BPIFB2: variants seen among roughly 807,000 people sequenced by gnomAD.
BPIFB2 encodes BPI fold containing family B member 2.
Under a neutral mutation model 50.1 loss-of-function variants are expected in BPIFB2, and 39 were observed. The observed-to-expected ratio is 0.78, with a 90% confidence interval of 0.60 to 1.02. The LOEUF (loss-of-function observed/expected upper bound fraction) is 1.02, where lower values mean the gene tolerates loss of function less well. BPIFB2 is among the 50% of genes least tolerant of loss of function. The pLI, the probability that BPIFB2 is intolerant of heterozygous loss-of-function variation, is 0.00. For synonymous variants in BPIFB2, 280 were observed against 256.3 expected, an observed-to-expected ratio of 1.09 and a Z score of -0.88; for missense variants, 574 against 585.8, an observed-to-expected ratio of 0.98 and a Z score of 0.21.
chr20:33,018,781 C>T lies in BPIFB2; in HGVS notation c.814C>T (p.Gln272Ter), dbSNP rs1326400653. 4 of 1,613,756 alleles carry T rather than the reference C, an allele frequency of 2.5e-6. No individual in the cohort carries two copies. Among genetic ancestry groups the T allele is most frequent in the Admixed American group, 3.3e-5 (2 of 59,974 alleles). ...GTTTGACTCTGCGCTCCTGCTGCTG[C>T]AGAAGGCCGGTGCCCTCAACCTGGA... ...QLFDSALLLL[Q>*]KAGALNLDIT... Residue 272 changes from glutamine to a stop codon, truncating the protein, a stop_gained, in exon 9 of 16, where the codon CAG (glutamine) becomes TAG (stop). Transcript: ENST00000170150. LOFTEE classifies it high-confidence loss of function.
At position 33,017,064 on chromosome 20, in the gene BPIFB2, T is replaced by A. The variant is rs1270790975; in HGVS notation, c.539T>A (p.Leu180Gln). The A allele has an allele frequency of 6.2e-7, 1 of 1,614,098 alleles. No homozygotes were observed. The highest frequency in any genetic ancestry group is 1.1e-5 in the South Asian group (1 of 91,080). ...CAGCTGTGCCTGAGCATCTCCAACC[T>A]GGTGCAGGGTGTCAATGTCCACCTG... is the stretch of plus-strand genomic sequence containing the variant. Reference protein sequence around the residue: ...SNKLCLSISNLVQGVNVHLGT... With the variant: ...SNKLCLSISNQVQGVNVHLGT... The change falls in exon 7 of 16, where the codon CTG becomes CAG. Residue 180 changes from leucine to glutamine, a missense_variant. Leu to Gln is a moderately radical substitution (Grantham distance 113). Transcript: ENST00000170150.
At chr20:33,008,221 G>A (rs935614698) in intron 1 of BPIFB2, among the ~76,000 whole-genome samples, 5 of 152,156 alleles carry the variant, frequency 3.3e-5, no homozygotes, top group African/African-American at 9.7e-5. Flanking sequence ...CAGTCTCCCC[G>A]TTTGGGAGTC....
At chr20:33,013,056 G>T (rs1189895623) in intron 4 of BPIFB2, 149 bp downstream of exon 4, 4 of 629,824 alleles carry the variant, frequency 6.4e-6, no homozygotes, top group Non-Finnish European at 1.1e-5. Context: ...CTCACGCTTG[G>T]AGGGGAGCAA....
At chr20:33,017,508 CT>C (rs1211803609) in intron 7 of BPIFB2, among the ~76,000 whole-genome samples, 1 of 152,246 alleles carries the variant, frequency 6.6e-6, no homozygotes, top group African/African-American at 2.4e-5. Context: ...GCCACCACCC[CT>C]GGCCTCGCCC....
chr20:33,020,654 G>T, intron 13 of BPIFB2, 67 bp downstream of exon 13: 1 of 1,497,014 alleles, frequency 6.7e-7, no homozygotes, highest in Non-Finnish European at 9.0e-7. Context: ...GCCTGGGGAA[G>T]AGATGGCTGT....
chr20:33,017,014 C>T (rs1476534656), intron 6 of BPIFB2, 28 bp from the exon 7 acceptor site: 8 of 1,611,956 alleles, frequency 5.0e-6, no homozygotes, highest in South Asian at 1.1e-5. Context: ...GCCCTAACCC[C>T]AGCCTCCTTC....
At position 33,013,970 on chromosome 20, in the gene BPIFB2, G is replaced by A. The variant is rs1990323261; in HGVS notation, c.455+14G>A. 1 of 1,611,264 alleles carries A rather than the reference G, an allele frequency of 6.2e-7. No homozygotes were observed. The highest frequency in any genetic ancestry group is 8.5e-7 in the Non-Finnish European group (1 of 1,177,996). On this transcript the variant is annotated intron_variant, in intron 5 of 15. Transcript: ENST00000170150. The stretch of plus-strand genomic sequence containing the variant: ...TGGCAGTAACAGGTGGGTGCCTGGT[G>A]AGGGCAGGGTCACAGGAATCCCAGA...
chr20:33,016,834 A>G (rs1166342340), intron 6 of BPIFB2, among the ~76,000 whole-genome samples: 1 of 152,188 alleles, frequency 6.6e-6, no homozygotes, highest in Non-Finnish European at 1.5e-5. Context: ...TCACACTGCC[A>G]TCAGCCTTTG....
At position 33,018,369 on chromosome 20, in the gene BPIFB2, G is replaced by A. The variant is rs377172838; in HGVS notation, c.669+19G>A. On this transcript the variant is annotated intron_variant, in intron 8 of 15. Transcript: ENST00000170150. ...AGTCAATGTAAGTGCCTCCTGGCCA[G>A]CCCAGAGCTGGGGGCTTGCTGCCTC... is the stretch of plus-strand genomic sequence containing the variant. 17 of 1,591,746 alleles carry A rather than the reference G, an allele frequency of 1.1e-5. No homozygotes were observed. In the African/African-American group the frequency reaches 1.1e-4, roughly 10 times the overall value.
chr20:33,022,040 C>A (rs540221092), intron 15 of BPIFB2, among the ~76,000 whole-genome samples: 100 of 152,306 alleles, frequency 6.6e-4, no homozygotes, highest in South Asian at 1.0e-3. Flanking sequence ...TCACTTGTCC[C>A]GTGATCCTGT....
At chr20:33,015,596 GA>G in intron 6 of BPIFB2, 100 bp downstream of exon 6, 5 of 1,004,464 alleles carry the variant, frequency 5.0e-6, no homozygotes, top group Non-Finnish European at 6.8e-6. Context: ...CTTTGCTTGG[GA>G]TTAAAAAAAA....
Position 33,012,818 on chromosome 20 carries a change from T to G in BPIFB2, c.219T>G (p.Asn73Lys), listed in dbSNP as rs149802409. Reference sequence around the variant, plus strand: ...TACCCTGCAGGATCCGGATTCTGAATGTCCATGTGCCCCGCCTCCACCTGA... The same window carrying G: ...TACCCTGCAGGATCCGGATTCTGAAGGTCCATGTGCCCCGCCTCCACCTGA... ...ALQPTRIRILNVHVPRLHLKF... is the reference protein window; with the variant it reads ...ALQPTRIRILKVHVPRLHLKF... The change falls in exon 4 of 16, where the codon AAT (asparagine) becomes AAG (lysine). Residue 73 changes from asparagine to lysine, a missense_variant. Asn to Lys is a moderately conservative substitution (Grantham distance 94). Transcript: ENST00000170150. The G allele has an allele frequency of 2.7e-5, 44 of 1,613,780 alleles. No individual in the cohort carries two copies. The African/African-American group carries it at 5.6e-4, about 21-fold the overall frequency.
intron 3 of BPIFB2, among the ~76,000 whole-genome samples, chr20:33,011,472 C>T (rs546788715): frequency 3.9e-5 from 6 of 152,178 alleles, no homozygotes; most frequent in Admixed American, 1.3e-4. Flanking sequence ...AATTTAGACA[C>T]GAATCTGAGC....
chr20:33,023,582 TCTC>T lies in BPIFB2; in HGVS notation c.*204_*206del, dbSNP rs745610023. The T allele has an allele frequency of 5.8e-5, 37 of 642,366 alleles. No individual in the cohort carries two copies. The highest frequency in any genetic ancestry group is 6.7e-5 in the Non-Finnish European group (24 of 359,564). The allele number at this position is 642,366 out of a possible 1,614,324, so 39.8% of individuals were successfully genotyped here. Reference sequence around the variant, plus strand: ...CTGCCCTTTCCCTTCCTCCTCCTCTTCTCCTCCCTCTTCCCTCATCTCCCCCCT... The same window carrying T: ...CTGCCCTTTCCCTTCCTCCTCCTCTTCTCCCTCTTCCCTCATCTCCCCCCT... On this transcript the variant is annotated 3_prime_UTR_variant, in exon 16 of 16. Transcript: ENST00000170150.
chr20:33,020,569 C>T lies in BPIFB2; in HGVS notation c.1176C>T (p.Ser392=). The change falls in exon 13 of 16, where the codon TCC becomes TCT. Residue 392 remains serine, a synonymous_variant. Coordinates refer to ENST00000170150, the MANE Select transcript of BPIFB2 (RefSeq NM_025227.3). ...LGDVQLTVAS[S]NVGFIDTDQV... is the part of the protein sequence containing the mutation. Reference sequence around the variant, plus strand: ...ATGTCCAGCTCACGGTGGCCTCCTCCAACGTGGGCTTCATTGATGTGAGTG... The same window carrying T: ...ATGTCCAGCTCACGGTGGCCTCCTCTAACGTGGGCTTCATTGATGTGAGTG... The T allele has an allele frequency of 6.2e-7, 1 of 1,609,092 alleles. No homozygotes were observed. The highest frequency in any genetic ancestry group is 8.5e-7 in the Non-Finnish European group (1 of 1,176,812).
intron 11 of BPIFB2, 70 bp from the exon 12 acceptor site, chr20:33,020,258 G>T (rs1978610663): frequency 6.9e-7 from 1 of 1,457,634 alleles, no homozygotes; most frequent in Admixed American, 1.7e-5. Context: ...GGGGATGGGT[G>T]GGAGGCTGGG....
chr20:33,010,597 C>A (rs1053897541), intron 2 of BPIFB2, among the ~76,000 whole-genome samples: 1 of 152,028 alleles, frequency 6.6e-6, no homozygotes, highest in Admixed American at 6.6e-5. Context: ...TGAGGCTGTC[C>A]CCTCCCCTCC....
chr20:33,010,716 A>G (rs1990275074), intron 2 of BPIFB2, among the ~76,000 whole-genome samples: 1 of 152,020 alleles, frequency 6.6e-6, no homozygotes, highest in African/African-American at 2.4e-5. Context: ...AGGAGATGGG[A>G]TCTGGTTGGA....
intron 5 of BPIFB2, 36 bp downstream of exon 5, chr20:33,013,992 C>T (rs1292505712): frequency 8.1e-6 from 13 of 1,595,866 alleles, no homozygotes; most frequent in Non-Finnish European, 1.1e-5. Flanking sequence ...ACAGGAATCC[C>T]AGATGCCAAA....
Sources: allele counts gnomAD v4.1 joint callset (sites outside exome capture counted in the v4.1 genomes callset), GRCh38; gene constraint gnomAD v4.1.1; transcripts MANE v1.5; gene names NCBI Gene and HGNC (gene_info 2026-07-23, HGNC 2026-07-21).